PMEPA1: variants seen among roughly 807,000 people sequenced by gnomAD.
The protein encoded by PMEPA1 is protein TMEPAI.
In PMEPA1, 11 loss-of-function variants were observed where a neutral mutation model predicts 23.0. The ratio of observed to expected loss-of-function variants is 0.48; its 90% CI spans 0.30 to 0.79. The LOEUF (loss-of-function observed/expected upper bound fraction) is 0.79. Among genes scored for constraint, PMEPA1 ranks in the 30% least tolerant of loss-of-function variants. The probability of loss-of-function intolerance (pLI) is 0.06; values close to 1 mark genes in which losing one functional copy is unlikely to be tolerated. For synonymous variants in PMEPA1, 204 were observed against 166.4 expected, an observed-to-expected ratio of 1.23 and a Z score of -1.74; for missense variants, 377 against 390.9, an observed-to-expected ratio of 0.96 and a Z score of 0.30.
intron 1 of PMEPA1, among the ~76,000 whole-genome samples, chr20:57,674,717 C>T (rs1387916573): frequency 6.6e-6 from 1 of 152,246 alleles, no homozygotes; most frequent in African/African-American, 2.4e-5. Flanking sequence ...CAGGCCCTTT[C>T]CCTTCCTATT....
upstream of PMEPA1, chr20:57,710,059 G>A (rs1238450604): frequency 4.0e-6 from 4 of 995,438 alleles, no homozygotes; most frequent in South Asian, 9.0e-5. Flanking sequence ...CGCGGGGGCC[G>A]GGGAGGGGGC....
chr20:57,655,703 A>G lies in PMEPA1; in HGVS notation c.265-2617T>C, dbSNP rs1305974898. Among the ~76,000 whole-genome samples the G allele has an allele frequency of 6.6e-6, 1 of 151,682 alleles. No individual in the cohort carries two copies. Among genetic ancestry groups the G allele is most frequent in the African/African-American group, 2.4e-5 (1 of 41,252 alleles). On this transcript the variant is annotated intron_variant, in intron 2 of 3. Transcript: ENST00000341744. The surrounding 1 kb of genome is among the most constrained non-coding windows in gnomAD (Gnocchi z 4.2). ...CCCCTGCTCCCAGCAGCCTCCAACC[A>G]CTCCCAGACTCCCAGGGCTCGGGGT...
rs1251410892 is a variant in PMEPA1 at position 57,667,398 on chromosome 20, C to T, written c.110-7701G>A. On this transcript the variant is annotated intron_variant, in intron 1 of 3. Transcript: ENST00000341744. ...CCACCCAGCCCACGGGGGCACTAGG[C>T]GGGGAGGTGCGGCGGCGACTGAGTT... 5.3e-5 allele frequency among the ~76,000 whole-genome samples: 8 copies of T among 152,088 alleles called. No individual in the cohort carries two copies. The South Asian group carries it at 1.2e-3, about 24-fold the overall frequency.
intron 1 of PMEPA1, among the ~76,000 whole-genome samples, chr20:57,693,653 T>C (rs919467097): frequency 6.6e-6 from 1 of 152,240 alleles, no homozygotes; most frequent in Non-Finnish European, 1.5e-5. Flanking sequence ...GTCACAGACC[T>C]ATTCTGCAGA....
At chr20:57,666,268 G>T (rs203388) in intron 1 of PMEPA1, among the ~76,000 whole-genome samples, 61,542 of 151,840 alleles carry the variant, frequency 0.41, 12,665 homozygotes, top group East Asian at 0.53. Context: ...TGCGGGCACA[G>T]CTCTGCCCTG....
Position 57,655,772 on chromosome 20 carries a change from CT to C in PMEPA1, c.265-2687del, listed in dbSNP as rs1422299194. ...GTGGGCGCACCCAGTCCACCTGCGCCTTCCCCATTTAGATGCTTCTAGACCA... is the reference window on the plus strand; with the variant it reads ...GTGGGCGCACCCAGTCCACCTGCGCCTCCCCATTTAGATGCTTCTAGACCA... On this transcript the variant is annotated intron_variant, in intron 2 of 3. Coordinates refer to ENST00000341744, the MANE Select transcript of PMEPA1 (RefSeq NM_020182.5). This position sits in a 1 kb window ranked among gnomAD's most constrained non-coding sequence, Gnocchi z 4.2. Among the ~76,000 whole-genome samples the C allele has an allele frequency of 6.6e-6, 1 of 152,200 alleles. No individual in the cohort carries two copies. The highest frequency in any genetic ancestry group is 2.4e-5 in the African/African-American group (1 of 41,462).
At position 57,652,043 on chromosome 20, in the gene PMEPA1, C is replaced by A. The variant is rs369326786; in HGVS notation, c.*10G>T. On this transcript the variant is annotated 3_prime_UTR_variant, in exon 4 of 4. Coordinates refer to ENST00000341744, the MANE Select transcript of PMEPA1 (RefSeq NM_020182.5). The surrounding 1 kb of genome is among the most constrained non-coding windows in gnomAD (Gnocchi z 6.1). ...ACCTACGCAGCCCCAGCCCGGCCCC[C>A]CTGGGGACCCTAGAGAGGGTGTCCT... 2.5e-5 allele frequency: 36 copies of A among 1,466,642 alleles called. No individual in the cohort carries two copies. In the African/African-American group the frequency reaches 3.8e-4, roughly 16 times the overall value. The allele number at this position is 1,466,642 out of a possible 1,614,324, so 90.9% of individuals were successfully genotyped here. A position where few individuals can be genotyped will look rare whatever the true frequency, so the allele number is the denominator to read the frequency against.
At chr20:57,687,016 G>A (rs2071809938) in intron 1 of PMEPA1, among the ~76,000 whole-genome samples, 1 of 152,188 alleles carries the variant, frequency 6.6e-6, no homozygotes, top group Non-Finnish European at 1.5e-5. Context: ...TTTGGTTTCC[G>A]CACTCTCATT....
chr20:57,684,551 T>C (rs1159316376), intron 1 of PMEPA1, among the ~76,000 whole-genome samples: 1 of 152,192 alleles, frequency 6.6e-6, no homozygotes, highest in Non-Finnish European at 1.5e-5. Flanking sequence ...ATTTGGCCTC[T>C]GCACCGGTTC....
Position 57,709,912 on chromosome 20 carries a change from C to A in PMEPA1, c.-330G>T. 1 of 1,009,776 alleles carries A rather than the reference C, an allele frequency of 9.9e-7. No homozygotes were observed. The highest frequency in any genetic ancestry group is 4.2e-5 in the South Asian group (1 of 23,720). 62.6% of individuals were successfully genotyped at this position (1,009,776 alleles called of 1,614,324 possible). ...CTGCCGCTAGCTTTCCCCAGCCGAG[C>A]GCCTCCGCCGCCGCCGCCGCCGCCG... is the stretch of plus-strand genomic sequence containing the variant. On this transcript the variant is annotated 5_prime_UTR_variant, in exon 1 of 4. Transcript: ENST00000341744.
chr20:57,659,385 C>T (rs928392001), intron 2 of PMEPA1, among the ~76,000 whole-genome samples, 158 bp downstream of exon 2: 1 of 152,198 alleles, frequency 6.6e-6, no homozygotes, highest in Non-Finnish European at 1.5e-5. Context: ...CCTCCCATTT[C>T]AGGGGAGGAA....
At position 57,665,156 on chromosome 20, in the gene PMEPA1, A is replaced by T. The variant is rs774518925; in HGVS notation, c.110-5459T>A. Among the ~76,000 whole-genome samples, 7 of 152,310 alleles carry T rather than the reference A, an allele frequency of 4.6e-5. No homozygotes were observed. The East Asian group carries it at 1.4e-3, about 29-fold the overall frequency. ...TGTAGTCACTGTAAGTATTGTCATG[A>T]TTCTAACACATGACCCGGGGCCACT... On this transcript the variant is annotated intron_variant, in intron 1 of 3. Transcript: ENST00000341744.
At chr20:57,670,572 G>A (rs1324538330) in intron 1 of PMEPA1, among the ~76,000 whole-genome samples, 3 of 152,214 alleles carry the variant, frequency 2.0e-5, no homozygotes, top group East Asian at 3.9e-4. Context: ...ATGCCCCGTC[G>A]GCCTTGGTCT....
intron 1 of PMEPA1, among the ~76,000 whole-genome samples, 160 bp downstream of exon 1, chr20:57,709,314 G>C (rs928907415): frequency 6.8e-6 from 1 of 146,290 alleles, no homozygotes; most frequent in South Asian, 2.1e-4. Context: ...CAGCTGCCGC[G>C]AGCCGGGAGG....
chr20:57,670,578 G>C (rs2071554290), intron 1 of PMEPA1, among the ~76,000 whole-genome samples: 1 of 152,144 alleles, frequency 6.6e-6, no homozygotes, highest in Non-Finnish European at 1.5e-5. Context: ...CGTCGGCCTT[G>C]GTCTTCCCCT....
intron 1 of PMEPA1, among the ~76,000 whole-genome samples, chr20:57,689,715 G>A (rs910204631): frequency 1.3e-5 from 2 of 151,984 alleles, no homozygotes; most frequent in East Asian, 3.9e-4. Flanking sequence ...CCCAGGGGCC[G>A]CCCTGAATCT....
chr20:57,651,021 GGACCTTCACA>G lies in PMEPA1; in HGVS notation c.*1022_*1031del. 1 of 152,178 alleles carries G rather than the reference GGACCTTCACA, an allele frequency of 6.6e-6. No individual in the cohort carries two copies. Among genetic ancestry groups the G allele is most frequent in the Non-Finnish European group, 1.5e-5 (1 of 68,044 alleles). The allele number at this position is 152,178 out of a possible 1,614,324, so 9.4% of individuals were successfully genotyped here. ...AGGGGCACCATGCTCCACCCCACGG[GGACCTTCACA>G]GTTGGAAAAAAGAAGAGGAAAAACT... On this transcript the variant is annotated 3_prime_UTR_variant, in exon 4 of 4. Coordinates refer to ENST00000341744, the MANE Select transcript of PMEPA1 (RefSeq NM_020182.5).
rs574903284 is a variant in PMEPA1, at chr20:57,651,968, C to G, written c.*85G>C. 13 of 1,206,874 alleles carry G rather than the reference C, an allele frequency of 1.1e-5. No homozygotes were observed. The African/African-American group carries it at 1.7e-4, about 16-fold the overall frequency. The allele number at this position is 1,206,874 out of a possible 1,614,324, so 74.8% of individuals were successfully genotyped here. On this transcript the variant is annotated 3_prime_UTR_variant, in exon 4 of 4. Coordinates refer to ENST00000341744, the MANE Select transcript of PMEPA1 (RefSeq NM_020182.5). ...CCACACGATGCGTTGCTGCGCCCCC[C>G]GCCTTCCTCTCACTCCTCTTCTAAG...
At chr20:57,695,152 A>C (rs2071929332) in intron 1 of PMEPA1, among the ~76,000 whole-genome samples, 1 of 152,256 alleles carries the variant, frequency 6.6e-6, no homozygotes, top group African/African-American at 2.4e-5. Context: ...CCTCCCCAAG[A>C]CATGATTCAT....
Sources: allele counts gnomAD v4.1 joint callset (sites outside exome capture counted in the v4.1 genomes callset), GRCh38; gene constraint gnomAD v4.1.1; non-coding constraint Gnocchi (gnomAD v3.1); transcripts MANE v1.5; gene names NCBI Gene and HGNC (gene_info 2026-07-23, HGNC 2026-07-21).